SLC4A10: variants seen among roughly 807,000 people sequenced by gnomAD.
The protein encoded by SLC4A10 is sodium-driven chloride bicarbonate exchanger.
SLC4A10 carries 42 observed loss-of-function variants against 137.7 expected under a neutral mutation model. The observed-to-expected ratio is 0.30, with a 90% CI of 0.24 to 0.39. The LOEUF is 0.39. Among genes scored for constraint, SLC4A10 ranks in the 10% least tolerant of loss-of-function variants. The pLI is 1.00. For synonymous variants in SLC4A10, 474 were observed against 464.1 expected (o/e 1.02, Z -0.27); for missense variants, 925 against 1,355.0 (o/e 0.68, Z 4.98).
intron 3 of SLC4A10, among the ~76,000 whole-genome samples, chr2:161,823,845 T>C (rs2057822491): frequency 6.6e-6 from 1 of 152,216 alleles, no homozygotes; most frequent in African/African-American, 2.4e-5. Flanking sequence ...CATCAGTATT[T>C]AAAGCAGAAA....
intron 2 of SLC4A10, among the ~76,000 whole-genome samples, chr2:161,784,944 A>C (rs2053458725): frequency 6.6e-6 from 1 of 151,526 alleles, no homozygotes; most frequent in African/African-American, 2.4e-5. Context: ...AATAGGAAAA[A>C]ATCAATGAAA....
chr2:161,734,132 C>G (rs2047087936), intron 1 of SLC4A10, among the ~76,000 whole-genome samples: 1 of 152,006 alleles, frequency 6.6e-6, no homozygotes, highest in Non-Finnish European at 1.5e-5. Flanking sequence ...TGAATTAAGA[C>G]TTTAGGGAAC....
intron 10 of SLC4A10, among the ~76,000 whole-genome samples, chr2:161,888,646 T>G (rs1204214716): frequency 2.6e-5 from 4 of 152,216 alleles, no homozygotes; most frequent in African/African-American, 9.6e-5. Flanking sequence ...TTTTCTATCC[T>G]GAGACTTTGC....
Position 161,855,094 on chromosome 2 carries a change from C to A in SLC4A10, c.541C>A (p.Leu181Met), listed in dbSNP as rs1390930763. Residue 181 changes from leucine (L) to methionine (M), a missense_variant, in exon 5 of 27, where the codon CTG becomes ATG. Leu to Met is a conservative substitution (Grantham distance 15). Around this residue, in one of 11 missense-constraint regions of SLC4A10, gnomAD observed 277 missense variants for 306.1 expected, o/e 0.90. Coordinates refer to ENST00000446997, the MANE Select transcript of SLC4A10 (RefSeq NM_001178015.2). Reference sequence around the variant, plus strand: ...TTGTATTCTGAATGGAACTGTGTTGCTGGACATGCATGCCAACACTTTAGA... The same window carrying A: ...TTGTATTCTGAATGGAACTGTGTTGATGGACATGCATGCCAACACTTTAGA... ...RSCILNGTVL[L>M]DMHANTLEEI... 8 of 1,611,252 alleles carry A rather than the reference C, an allele frequency of 5.0e-6. No individual in the cohort carries two copies. The South Asian group carries it at 8.8e-5, about 18-fold the overall frequency.
chr2:161,804,711 A>G (rs1229672025), intron 3 of SLC4A10, 116 bp downstream of exon 3: 46 of 975,576 alleles, frequency 4.7e-5, no homozygotes, highest in Non-Finnish European at 5.5e-5. Flanking sequence ...TTTATAAAAG[A>G]CTTTGGGCCG....
intron 15 of SLC4A10, among the ~76,000 whole-genome samples, chr2:161,936,284 T>C (rs947466669): frequency 3.3e-5 from 5 of 152,188 alleles, no homozygotes; most frequent in African/African-American, 9.6e-5. Flanking sequence ...ATCATTGTAA[T>C]GCTTTCCTCA....
chr2:161,689,049 G>A (rs148897093), intron 1 of SLC4A10, among the ~76,000 whole-genome samples: 20 of 152,124 alleles, frequency 1.3e-4, no homozygotes, highest in African/African-American at 4.6e-4. Flanking sequence ...AGTATATAAA[G>A]ATTGAAAATA....
At chr2:161,716,051 T>C (rs1460571757) in intron 1 of SLC4A10, among the ~76,000 whole-genome samples, 3 of 152,166 alleles carry the variant, frequency 2.0e-5, no homozygotes, top group African/African-American at 7.2e-5. Context: ...TGGTATCTTA[T>C]TGTGGTTTTA....
At position 161,983,517 on chromosome 2, in the gene SLC4A10, G is replaced by C; in HGVS notation, c.*365G>C. ...GATTCTGATTGTCAGTTTTATGAGA[G>C]CAATAGCTTCCTTAAAGAGATAAGT... On this transcript the variant is annotated 3_prime_UTR_variant, in exon 27 of 27. Coordinates refer to ENST00000446997, the MANE Select transcript of SLC4A10 (RefSeq NM_001178015.2). 2.8e-6 allele frequency: 1 copy of C among 358,454 alleles called. No homozygotes were observed. Among genetic ancestry groups the C allele is most frequent in the Non-Finnish European group, 5.0e-6 (1 of 201,250 alleles). 22.2% of individuals were successfully genotyped at this position (358,454 alleles called of 1,614,324 possible). A position where few individuals can be genotyped will look rare whatever the true frequency, so the allele number is the denominator to read the frequency against.
At chr2:161,696,397 T>C (rs2042507430) in intron 1 of SLC4A10, among the ~76,000 whole-genome samples, 1 of 150,144 alleles carries the variant, frequency 6.7e-6, no homozygotes, top group Non-Finnish European at 1.5e-5. Flanking sequence ...GCTGGTGTGC[T>C]GCACCCATTA....
chr2:161,783,194 G>C (rs1240315849), intron 2 of SLC4A10, among the ~76,000 whole-genome samples: 1 of 151,804 alleles, frequency 6.6e-6, no homozygotes, highest in Non-Finnish European at 1.5e-5. Context: ...CACAATGCTG[G>C]GGGAAAAAGC....
chr2:161,673,086 T>C (rs999741990), intron 1 of SLC4A10, among the ~76,000 whole-genome samples: 7 of 152,192 alleles, frequency 4.6e-5, no homozygotes, highest in African/African-American at 1.7e-4. Flanking sequence ...GGATTAACTG[T>C]TTACTTACTG....
At position 161,941,666 on chromosome 2, in the gene SLC4A10, G is replaced by A. The variant is rs576272048; in HGVS notation, c.1998-1126G>A. Among the ~76,000 whole-genome samples the A allele has an allele frequency of 1.4e-4, 21 of 152,198 alleles. No individual in the cohort carries two copies. In the South Asian group the frequency reaches 3.9e-3, roughly 29 times the overall value. On this transcript the variant is annotated intron_variant, in intron 15 of 26. Transcript: ENST00000446997. ...AGGAATGCTAGCCAGTTGCTGTGTC[G>A]AAACTACAAAAAGCAAGGGGCAGCG...
intron 2 of SLC4A10, among the ~76,000 whole-genome samples, chr2:161,792,888 T>C (rs536227138): frequency 1.6e-4 from 24 of 152,170 alleles, no homozygotes; most frequent in African/African-American, 5.8e-4. Flanking sequence ...TGTGGCCACT[T>C]TGCACATAAA....
At chr2:161,737,088 G>A (rs561577406) in intron 1 of SLC4A10, among the ~76,000 whole-genome samples, 2 of 151,958 alleles carry the variant, frequency 1.3e-5, no homozygotes, top group African/African-American at 4.8e-5. Flanking sequence ...TAAACTCCTG[G>A]GCTCAAGAGA....
chr2:161,766,040 G>T (rs2050765191), intron 1 of SLC4A10, among the ~76,000 whole-genome samples: 1 of 152,058 alleles, frequency 6.6e-6, no homozygotes, highest in African/African-American at 2.4e-5. Flanking sequence ...TGGGATTTTT[G>T]TTTGCCTAAA....
chr2:161,839,371 C>T (rs1332489496), intron 3 of SLC4A10, among the ~76,000 whole-genome samples: 1 of 151,888 alleles, frequency 6.6e-6, no homozygotes, highest in South Asian at 2.1e-4. Flanking sequence ...TAACATTCTG[C>T]ATAGTTTTAG....
At chr2:161,755,644 G>C (rs529472612) in intron 1 of SLC4A10, among the ~76,000 whole-genome samples, 1 of 152,176 alleles carries the variant, frequency 6.6e-6, no homozygotes, top group Non-Finnish European at 1.5e-5. Context: ...CTGTCTTTTA[G>C]AGATTTTACA....
intron 7 of SLC4A10, 106 bp from the exon 8 acceptor site, chr2:161,873,810 C>A (rs2061295073): frequency 4.4e-6 from 5 of 1,132,940 alleles, no homozygotes; most frequent in Middle Eastern, 2.6e-4. Context: ...TCTGACAATG[C>A]CTAAATAATC....
Sources: gnomAD v4.1 joint callset for allele counts (sites outside exome capture counted in the v4.1 genomes callset) on GRCh38, gnomAD v4.1.1 for gene constraint, gnomAD v4.1.1 regional missense constraint, MANE v1.5 for transcripts, NCBI Gene and HGNC (gene_info 2026-07-23, HGNC 2026-07-21) for gene names.